The following LARGE1 variants were observed in gnomAD, a reference collection of about 807,000 sequenced individuals.
The protein encoded by LARGE1 is LARGE xylosyl- and glucuronyltransferase 1, also known as xylosyl- and glucuronyltransferase LARGE1.
In LARGE1, 43 loss-of-function variants were observed where a neutral mutation model predicts 87.6. The ratio of observed to expected loss-of-function variants is 0.49; its 90% CI spans 0.38 to 0.63. The LOEUF (loss-of-function observed/expected upper bound fraction) is 0.63. LARGE1 is among the 30% of genes least tolerant of loss of function. The pLI is 0.00. For missense variants in LARGE1, 802 were observed against 1,000.2 expected, an observed-to-expected ratio of 0.80 and a Z score of 2.67; for synonymous variants, 434 against 394.6, an observed-to-expected ratio of 1.10 and a Z score of -1.18.
At position 33,547,768 on chromosome 22, in the gene LARGE1, T is replaced by G. The variant is rs2077401857; in HGVS notation, c.787+17080A>C. Among the ~76,000 whole-genome samples the G allele has an allele frequency of 2.6e-5, 3 of 113,768 alleles. No individual in the cohort carries two copies. In the South Asian group the frequency reaches 9.0e-4, roughly 34 times the overall value. 74.6% of individuals were successfully genotyped at this position (113,768 alleles called of 152,430 possible). A position where few individuals can be genotyped will look rare whatever the true frequency, so the allele number is the denominator to read the frequency against. ...GAAACTGTGCCACTGCACTCCAGCCTGGACGACAGAGTGAGACTCCATCTC... is the reference window on the plus strand; with the variant it reads ...GAAACTGTGCCACTGCACTCCAGCCGGGACGACAGAGTGAGACTCCATCTC... On this transcript the variant is annotated intron_variant, in intron 6 of 14. Coordinates refer to ENST00000397394, the MANE Select transcript of LARGE1 (RefSeq NM_133642.5).
the LARGE1 span, among the ~76,000 whole-genome samples, chr22:33,155,059 G>A: frequency 6.6e-6 from 1 of 152,198 alleles, no homozygotes; most frequent in African/African-American, 2.4e-5. Flanking sequence ...GGAACTGTAA[G>A]TCCAATAAAC....
At chr22:33,415,626 G>T (rs1293243640) in intron 7 of LARGE1, among the ~76,000 whole-genome samples, 2 of 152,146 alleles carry the variant, frequency 1.3e-5, no homozygotes, top group African/African-American at 4.8e-5. Context: ...CTCATAGGAG[G>T]GGGCTCTCGC....
chr22:33,152,184 A>G, the LARGE1 span, among the ~76,000 whole-genome samples: 1 of 152,292 alleles, frequency 6.6e-6, no homozygotes, highest in East Asian at 1.9e-4. Flanking sequence ...TTCAATGCCA[A>G]TCCTTGCCTG....
chr22:33,684,984 G>C (rs995276925), intron 2 of LARGE1, among the ~76,000 whole-genome samples: 68 of 152,234 alleles, frequency 4.5e-4, no homozygotes, highest in African/African-American at 1.6e-3. Flanking sequence ...ATGGGGGGTG[G>C]AGCCACCAAG....
chr22:33,393,809 C>T (rs911235217), intron 7 of LARGE1, among the ~76,000 whole-genome samples: 2 of 152,226 alleles, frequency 1.3e-5, no homozygotes, highest in African/African-American at 4.8e-5. Context: ...ATGTGACCCG[C>T]AGCACTTTAC....
chr22:33,921,378 G>T (rs975616967), upstream of LARGE1, among the ~76,000 whole-genome samples: 3 of 152,250 alleles, frequency 2.0e-5, no homozygotes, highest in Admixed American at 6.5e-5. This position sits in a 1 kb window ranked among gnomAD's most constrained non-coding sequence, Gnocchi z 4.1. Context: ...GAAAAAGGGG[G>T]AAGGGAAGCG....
chr22:33,182,364 T>A (rs968809693), intron 11 of LARGE1, among the ~76,000 whole-genome samples: 2 of 152,204 alleles, frequency 1.3e-5, no homozygotes, highest in Admixed American at 1.3e-4. Context: ...CTCTTTCCTG[T>A]TTCTGTTTGT....
intron 1 of LARGE1, among the ~76,000 whole-genome samples, chr22:33,858,325 G>A (rs1234752749): frequency 6.6e-6 from 1 of 152,150 alleles, no homozygotes; most frequent in Non-Finnish European, 1.5e-5. Context: ...CGAAAGCTCA[G>A]CTCCAGCCAT....
chr22:33,522,639 T>A (rs1443938064), intron 6 of LARGE1, among the ~76,000 whole-genome samples: 1 of 152,068 alleles, frequency 6.6e-6, no homozygotes, highest in African/African-American at 2.4e-5. Flanking sequence ...AAGACCAGCC[T>A]GGCCAACATG....
chr22:33,086,614 G>A, the LARGE1 span, among the ~76,000 whole-genome samples: 621 of 145,040 alleles, frequency 4.3e-3, 3 homozygotes, highest in African/African-American at 0.015. Flanking sequence ...GTGCAGCGGC[G>A]TGATCTTGGC....
chr22:33,559,887 C>T (rs2077803172), intron 6 of LARGE1, among the ~76,000 whole-genome samples: 2 of 152,116 alleles, frequency 1.3e-5, no homozygotes, highest in African/African-American at 4.8e-5. Flanking sequence ...TTTTGCTTCC[C>T]TGCCTTTGTT....
chr22:33,676,742 G>A (rs1490975278), intron 2 of LARGE1, among the ~76,000 whole-genome samples: 1 of 152,042 alleles, frequency 6.6e-6, no homozygotes, highest in Non-Finnish European at 1.5e-5. Flanking sequence ...AGACTTTGTG[G>A]GCCAAAATAC....
chr22:33,648,605 C>T (rs982686340), intron 3 of LARGE1, among the ~76,000 whole-genome samples: 2 of 152,148 alleles, frequency 1.3e-5, no homozygotes, highest in South Asian at 2.1e-4. Flanking sequence ...TAAATTAGGG[C>T]CCTCCCCAGA....
intron 7 of LARGE1, among the ~76,000 whole-genome samples, chr22:33,421,125 G>T (rs2066676516): frequency 6.6e-6 from 1 of 152,128 alleles, no homozygotes; most frequent in Admixed American, 6.5e-5. Context: ...GGAGGTGGAG[G>T]TTGCAGTGAG....
chr22:33,309,422 C>T (rs541742521), intron 11 of LARGE1, among the ~76,000 whole-genome samples: 208 of 152,284 alleles, frequency 1.4e-3, no homozygotes, highest in African/African-American at 4.5e-3. Flanking sequence ...CTGCCTTGGC[C>T]TCCCAAAGTA....
chr22:33,423,471 G>A (rs1320904926), intron 7 of LARGE1, among the ~76,000 whole-genome samples: 2 of 151,790 alleles, frequency 1.3e-5, no homozygotes. Context: ...GAGGTCAGGA[G>A]TATGAGACCA....
intron 2 of LARGE1, among the ~76,000 whole-genome samples, chr22:33,696,326 A>C (rs1240954193): frequency 1.4e-5 from 2 of 143,982 alleles, no homozygotes; most frequent in East Asian, 4.1e-4. Flanking sequence ...GCAGTGGCGC[A>C]ATCTCGGCTC....
downstream of LARGE1, among the ~76,000 whole-genome samples, chr22:33,271,755 G>T (rs1415731458): frequency 6.6e-6 from 1 of 152,218 alleles, no homozygotes; most frequent in Non-Finnish European, 1.5e-5. Flanking sequence ...AATGCAGGCT[G>T]CTGGCTCTGC....
chr22:33,722,512 C>T (rs184955038), intron 2 of LARGE1, among the ~76,000 whole-genome samples: 5 of 152,240 alleles, frequency 3.3e-5, no homozygotes, highest in African/African-American at 9.6e-5. Context: ...AAAAGTCCTT[C>T]AAGTGAATGA....
Sources: allele counts gnomAD v4.1 joint callset (sites outside exome capture counted in the v4.1 genomes callset), GRCh38; gene constraint gnomAD v4.1.1; non-coding constraint Gnocchi (gnomAD v3.1); transcripts MANE v1.5; gene names NCBI Gene and HGNC (gene_info 2026-07-23, HGNC 2026-07-21).